The following FBXW7 variants were observed in gnomAD, a reference collection of about 807,000 sequenced individuals.
FBXW7 encodes the protein F-box and WD repeat domain containing 7.
FBXW7 carries 11 observed loss-of-function variants against 86.3 expected under a neutral mutation model. That is an observed-to-expected ratio of 0.13 (90% CI 0.08 to 0.21). The LOEUF (loss-of-function observed/expected upper bound fraction) is 0.21. FBXW7 is among the 10% of genes least tolerant of loss of function. The pLI, the probability that FBXW7 is intolerant of heterozygous loss-of-function variation, is 1.00. For missense variants in FBXW7, 488 were observed against 847.4 expected, an observed-to-expected ratio of 0.58 and a Z score of 5.27; for synonymous variants, 313 against 297.9, an observed-to-expected ratio of 1.05 and a Z score of -0.52.
intron 11 of FBXW7, 103 bp from the exon 12 acceptor site, chr4:152,326,334 CTTTT>C (rs367926135): frequency 5.2e-3 from 2,829 of 542,950 alleles, no homozygotes; most frequent in East Asian, 6.0e-3. Context: ...GGTTTTTTAG[CTTTT>C]TTTTTTTTTT....
At chr4:152,472,476 G>C (rs1313386215) in intron 2 of FBXW7, among the ~76,000 whole-genome samples, 1 of 152,120 alleles carries the variant, frequency 6.6e-6, no homozygotes, top group African/African-American at 2.4e-5. Context: ...GAAAAATGCT[G>C]TAAGCCAAAT....
chr4:152,517,607 A>G (rs1748615195), intron 2 of FBXW7, among the ~76,000 whole-genome samples: 2 of 152,248 alleles, frequency 1.3e-5, no homozygotes, highest in African/African-American at 4.8e-5. Flanking sequence ...TGGGACCTTG[A>G]CCATGTTTAA....
intron 2 of FBXW7, among the ~76,000 whole-genome samples, chr4:152,528,093 A>G (rs1749691633): frequency 6.6e-6 from 1 of 152,182 alleles, no homozygotes; most frequent in Non-Finnish European, 1.5e-5. Flanking sequence ...GTAGTCTTTT[A>G]ATATTTCCTA....
rs1750414645 is a variant in FBXW7 at position 152,535,221 on chromosome 4, TTTTG to T, written c.-311_-308del. 6.0e-6 allele frequency: 1 copy of T among 167,400 alleles called. No individual in the cohort carries two copies. The highest frequency in any genetic ancestry group is 1.3e-5 in the Non-Finnish European group (1 of 78,170). The allele number at this position is 167,400 out of a possible 1,614,324, so 10.4% of individuals were successfully genotyped here. On this transcript the variant is annotated 5_prime_UTR_variant, in exon 1 of 14. Transcript: ENST00000281708. ...ACAGTCAGGTTTGGGAGACTCCGGA[TTTTG>T]TTTTTGTAAAGTTTCCTCTGGGTGG...
intron 11 of FBXW7, among the ~76,000 whole-genome samples, 155 bp downstream of exon 11, chr4:152,328,053 C>T (rs565017466): frequency 3.9e-5 from 6 of 151,960 alleles, no homozygotes; most frequent in South Asian, 2.1e-4. Context: ...TAAGACAAAA[C>T]GCTATGGCTT....
chr4:152,355,242 A>G (rs1048488995), intron 4 of FBXW7, among the ~76,000 whole-genome samples: 13 of 152,114 alleles, frequency 8.5e-5, no homozygotes, highest in African/African-American at 3.1e-4. Context: ...ATATAGTTTG[A>G]AACTTTATTC....
intron 2 of FBXW7, among the ~76,000 whole-genome samples, chr4:152,457,333 C>T (rs1742505406): frequency 6.6e-6 from 1 of 152,120 alleles, no homozygotes; most frequent in South Asian, 2.1e-4. Flanking sequence ...CAAAACTCAA[C>T]AAATTATGCA....
At chr4:152,460,702 A>G (rs1257755675) in intron 2 of FBXW7, among the ~76,000 whole-genome samples, 1 of 152,104 alleles carries the variant, frequency 6.6e-6, no homozygotes, top group Non-Finnish European at 1.5e-5. Context: ...TCTGGTATTG[A>G]GCAATTTGAC....
At chr4:152,470,929 A>G (rs1023540498) in intron 2 of FBXW7, among the ~76,000 whole-genome samples, 3 of 152,194 alleles carry the variant, frequency 2.0e-5, no homozygotes, top group African/African-American at 7.2e-5. Context: ...ACATAAAATG[A>G]CATATTAAGT....
intron 4 of FBXW7, among the ~76,000 whole-genome samples, chr4:152,402,353 G>T (rs1006548042): frequency 6.6e-6 from 1 of 152,014 alleles, no homozygotes; most frequent in Non-Finnish European, 1.5e-5. Context: ...AAATCAAAGG[G>T]CTTAAGAGAG....
rs779114193 is a variant in FBXW7, at chr4:152,411,418, T to C, written c.386A>G (p.Asp129Gly). The C allele has an allele frequency of 6.2e-7, 1 of 1,613,740 alleles. No homozygotes were observed. The highest frequency in any genetic ancestry group is 8.5e-7 in the Non-Finnish European group (1 of 1,179,892). Residue 129 changes from aspartate to glycine, a missense_variant, in exon 4 of 14, where the codon GAT becomes GGT. Around this residue, in one of 4 missense-constraint regions of FBXW7, gnomAD observed 230 missense variants for 240.0 expected, o/e 0.96. Transcript: ENST00000281708. ...DQESDDFDQSDDSSREDEHTH... is the reference protein window; with the variant it reads ...DQESDDFDQSGDSSREDEHTH... ...ATGTTCATCTTCTCTGCTACTATCA[T>C]CAGACTGATCAAAATCGTCACTCTC...
intron 2 of FBXW7, among the ~76,000 whole-genome samples, chr4:152,461,003 G>A (rs1009315433): frequency 2.0e-5 from 3 of 152,054 alleles, no homozygotes; most frequent in Admixed American, 6.6e-5. Flanking sequence ...TTGCTTGGCC[G>A]AGCACAGTGG....
At chr4:152,389,400 T>TAC (rs1356591039) in intron 4 of FBXW7, among the ~76,000 whole-genome samples, 5 of 151,930 alleles carry the variant, frequency 3.3e-5, no homozygotes, top group Non-Finnish European at 7.4e-5. Context: ...TATATATGTT[T>TAC]ACACACACAC....
chr4:152,454,203 C>A (rs1386410098), intron 2 of FBXW7, among the ~76,000 whole-genome samples: 10 of 150,702 alleles, frequency 6.6e-5, no homozygotes, highest in African/African-American at 2.2e-4. Flanking sequence ...TTGTATATAA[C>A]TATAGTACTG....
In FBXW7 at chr4:152,322,377, G is replaced by GT. The variant is rs1249035675; in HGVS notation, c.*503dup. On this transcript the variant is annotated 3_prime_UTR_variant, in exon 14 of 14. Transcript: ENST00000281708. ...GATAACTGTACAAAAACAATTCACA[G>GT]TAATTTTTTTAAGCTTTTCCACTCC... 4.5e-6 allele frequency: 1 copy of GT among 224,426 alleles called. No homozygotes were observed. Among genetic ancestry groups the GT allele is most frequent in the Non-Finnish European group, 8.8e-6 (1 of 113,900 alleles). The allele number at this position is 224,426 out of a possible 1,614,324, so 13.9% of individuals were successfully genotyped here. A position where few individuals can be genotyped will look rare whatever the true frequency, so the allele number is the denominator to read the frequency against.
At chr4:152,519,953 T>G (rs1748852137) in intron 2 of FBXW7, among the ~76,000 whole-genome samples, 2 of 152,262 alleles carry the variant, frequency 1.3e-5, no homozygotes, top group African/African-American at 4.8e-5. Flanking sequence ...CTATTTCATA[T>G]GAACTGCTGT....
chr4:152,352,493 T>C (rs2126660892), intron 4 of FBXW7: 1 of 1,613,900 alleles, frequency 6.2e-7, no homozygotes, highest in Non-Finnish European at 8.5e-7. Flanking sequence ...ATTTTTAATG[T>C]GCCGTAGAAA....
intron 4 of FBXW7, among the ~76,000 whole-genome samples, chr4:152,372,450 T>C (rs1025322495): frequency 1.3e-5 from 2 of 152,026 alleles, no homozygotes; most frequent in Non-Finnish European, 2.9e-5. Context: ...ACTTCCAGTA[T>C]ATCACACATT....
intron 4 of FBXW7, among the ~76,000 whole-genome samples, chr4:152,403,540 A>C (rs571018561): frequency 6.6e-6 from 1 of 151,684 alleles, no homozygotes; most frequent in Non-Finnish European, 1.5e-5. Context: ...GGCACCAGAG[A>C]CAGGTTTCAT....
Sources: gnomAD v4.1 joint callset for allele counts (sites outside exome capture counted in the v4.1 genomes callset) on GRCh38, gnomAD v4.1.1 for gene constraint, gnomAD v4.1.1 regional missense constraint, MANE v1.5 for transcripts, NCBI Gene and HGNC (gene_info 2026-07-23, HGNC 2026-07-21) for gene names.